Variants in GPHN observed in about 807,000 individuals in gnomAD.
GPHN encodes gephyrin.
Under a neutral mutation model 95.5 loss-of-function variants are expected in GPHN, and 17 were observed. That is an observed-to-expected ratio of 0.18 (90% CI 0.12 to 0.27). GPHN has a LOEUF of 0.27. Ranked by LOEUF, GPHN falls within the 10% of genes least tolerant of loss-of-function variation. GPHN has a pLI of 1.00. For synonymous variants in GPHN, 320 were observed against 322.5 expected (o/e 0.99, Z 0.08); for missense variants, 660 against 978.1 (o/e 0.67, Z 4.34).
intron 10 of GPHN, among the ~76,000 whole-genome samples, chr14:67,047,706 C>T (rs919608804): frequency 2.8e-4 from 43 of 152,096 alleles, no homozygotes; most frequent in Admixed American, 1.4e-3. Context: ...CAGGGAAGGC[C>T]GGTCATGGTG....
At chr14:67,488,793 G>C in the GPHN span, 1 of 152,312 alleles carries the variant, frequency 6.6e-6, no homozygotes, top group Non-Finnish European at 1.5e-5. Flanking sequence ...AGCTCTGGGA[G>C]CCCACTGCCT....
the GPHN span, chr14:67,383,623 C>T: frequency 4.0e-6 from 3 of 752,306 alleles, no homozygotes; most frequent in Admixed American, 2.3e-5. Context: ...TGTTGTCACA[C>T]AGTAGCTCCA....
chr14:67,572,420 G>A, the GPHN span: 1 of 647,096 alleles, frequency 1.5e-6, no homozygotes, highest in Non-Finnish European at 2.6e-6. Flanking sequence ...CGTGGGCTGG[G>A]GGGGTGTACA....
At chr14:66,730,719 A>G (rs2071686767) in intron 2 of GPHN, among the ~76,000 whole-genome samples, 3 of 152,346 alleles carry the variant, frequency 2.0e-5, no homozygotes, top group Admixed American at 6.5e-5. Context: ...AATACTTATC[A>G]GCTAATTGAA....
chr14:66,598,625 T>A (rs1343134102), intron 1 of GPHN, among the ~76,000 whole-genome samples: 1 of 152,050 alleles, frequency 6.6e-6, no homozygotes, highest in Non-Finnish European at 1.5e-5. Context: ...CATGGGCAGA[T>A]CACGAGGTCA....
At chr14:66,626,455 AT>A (rs1198783551) in intron 1 of GPHN, among the ~76,000 whole-genome samples, 2 of 152,124 alleles carry the variant, frequency 1.3e-5, no homozygotes, top group East Asian at 3.8e-4. Context: ...AAGGATGAAG[AT>A]TTAACAGAAG....
intron 4 of GPHN, among the ~76,000 whole-genome samples, chr14:66,834,333 T>C (rs2061704715): frequency 6.6e-6 from 1 of 152,196 alleles, no homozygotes; most frequent in Non-Finnish European, 1.5e-5. Flanking sequence ...ATGGTGCCAG[T>C]ATAAAAATTA....
At chr14:66,731,222 G>A (rs2071739652) in intron 2 of GPHN, among the ~76,000 whole-genome samples, 1 of 152,164 alleles carries the variant, frequency 6.6e-6, no homozygotes. Context: ...ACAGTAAACT[G>A]GTAAAGTGGT....
chr14:66,730,352 C>G (rs576216632), intron 2 of GPHN, among the ~76,000 whole-genome samples: 7 of 152,286 alleles, frequency 4.6e-5, no homozygotes, highest in African/African-American at 1.4e-4. Context: ...TCTGGAATCA[C>G]TATCTTTACT....
At chr14:67,334,315 G>A in the GPHN span, 1,475 of 152,690 alleles carry the variant, frequency 9.7e-3, 12 homozygotes, top group Admixed American at 0.013. Flanking sequence ...AATTGGCATG[G>A]AAACTTAATT....
At chr14:67,725,923 C>T in the GPHN span, 3 of 758,670 alleles carry the variant, frequency 4.0e-6, no homozygotes, top group East Asian at 7.4e-5. Flanking sequence ...GAGCAAGTGA[C>T]TCCTATCAAA....
chr14:67,256,059 TTG>T, the GPHN span, among the ~76,000 whole-genome samples: 1 of 151,874 alleles, frequency 6.6e-6, no homozygotes, highest in Admixed American at 6.6e-5. Flanking sequence ...AGTAATATCT[TTG>T]TGTTTTTTCC....
rs189873888 is a variant in GPHN at position 66,793,783 on chromosome 14, C to T, written c.201+17262C>T. 3.2e-3 allele frequency among the ~76,000 whole-genome samples: 490 copies of T among 151,552 alleles called. 3 individuals carry two copies. The highest frequency in any genetic ancestry group is 4.2e-3 in the Non-Finnish European group (283 of 67,886). On this transcript the variant is annotated intron_variant, in intron 3 of 22. Transcript: ENST00000478722. ...TAGAGCAACGATTAAGAATATAGCT[C>T]CAAAAATATGGTTAAAAAAGGGAAT...
intron 1 of GPHN, among the ~76,000 whole-genome samples, chr14:66,561,611 A>G (rs1268425447): frequency 6.6e-6 from 1 of 152,108 alleles, no homozygotes; most frequent in East Asian, 1.9e-4. Context: ...TTGGACTGTA[A>G]CTAGAATATA....
the GPHN span, among the ~76,000 whole-genome samples, chr14:67,445,574 A>ATTTTTTTTTTTTTTTTTTTTTTT: frequency 1.0e-5 from 1 of 98,680 alleles, no homozygotes; most frequent in Non-Finnish European, 2.0e-5. Context: ...AAGAGAGGCA[A>ATTTTTTTTTTTTTTTTTTTTTTT]TTCTTTTTTT....
the GPHN span, among the ~76,000 whole-genome samples, chr14:67,561,587 G>A: frequency 5.3e-5 from 8 of 152,212 alleles, no homozygotes; most frequent in African/African-American, 1.7e-4. Flanking sequence ...ATATGCAGCA[G>A]CCACGCTCAG....
chr14:67,715,439 A>C, the GPHN span, among the ~76,000 whole-genome samples: 3 of 152,206 alleles, frequency 2.0e-5, no homozygotes, highest in Admixed American at 6.5e-5. Flanking sequence ...TTGGATGCCT[A>C]TGACTTCACC....
At chr14:66,583,661 G>A in intron 1 of GPHN, among the ~76,000 whole-genome samples, 1 of 152,008 alleles carries the variant, frequency 6.6e-6, no homozygotes, top group Non-Finnish European at 1.5e-5. Context: ...CCCATTGCTT[G>A]TTTTTGTCAG....
chr14:67,004,313 G>A (rs897074509), intron 9 of GPHN, among the ~76,000 whole-genome samples: 2 of 151,670 alleles, frequency 1.3e-5, no homozygotes, highest in Admixed American at 1.3e-4. Flanking sequence ...TTCCTTGGTT[G>A]TTTATACTTT....
Sources: gnomAD v4.1 joint callset for allele counts (sites outside exome capture counted in the v4.1 genomes callset) on GRCh38, gnomAD v4.1.1 for gene constraint, MANE v1.5 for transcripts, NCBI Gene and HGNC (gene_info 2026-07-23, HGNC 2026-07-21) for gene names.